Variants in CEP76 observed in about 807,000 individuals in gnomAD.
The protein encoded by CEP76 is centrosomal protein 76, also known as centrosomal protein of 76 kDa.
Under a neutral mutation model 83.3 loss-of-function variants are expected in CEP76, and 55 were observed. The ratio of observed to expected loss-of-function variants is 0.66; its 90% CI spans 0.53 to 0.83. The LOEUF (loss-of-function observed/expected upper bound fraction) is 0.83, where lower values mean the gene tolerates loss of function less well. CEP76 is among the 40% of genes least tolerant of loss of function. CEP76 has a pLI of 0.00. For synonymous variants in CEP76, 270 were observed against 274.5 expected (o/e 0.98, Z 0.16); for missense variants, 694 against 799.5 (o/e 0.87, Z 1.59).
chr18:12,668,638 G>T (rs1285154745), downstream of CEP76, among the ~76,000 whole-genome samples: 4 of 119,710 alleles, frequency 3.3e-5, no homozygotes, highest in Admixed American at 9.4e-5. Context: ...AATAGTGAAT[G>T]TACTTAATCC....
chr18:12,663,285 A>G (rs1368047417), intron 12 of CEP76, among the ~76,000 whole-genome samples: 1 of 152,172 alleles, frequency 6.6e-6, no homozygotes, highest in Non-Finnish European at 1.5e-5. Flanking sequence ...GCCCAAAAAT[A>G]TATATTCTTT....
chr18:12,688,010 A>G (rs566830715), intron 7 of CEP76, among the ~76,000 whole-genome samples: 19 of 151,952 alleles, frequency 1.3e-4, no homozygotes, highest in Non-Finnish European at 2.4e-4. Context: ...TTGGGAGGCC[A>G]AGGTGGGTGG....
chr18:12,691,754 C>T lies in CEP76; in HGVS notation c.805-267G>A, dbSNP rs1402053414. Among the ~76,000 whole-genome samples, 5 of 147,324 alleles carry T rather than the reference C, an allele frequency of 3.4e-5. No individual in the cohort carries two copies. The South Asian group carries it at 6.4e-4, about 19-fold the overall frequency. Reference sequence around the variant, plus strand: ...TGTGGAGGATGCAGTCTTGCTCTGTCGCCCAGGCTGGAGTGCAGTGGCAAG... The same window carrying T: ...TGTGGAGGATGCAGTCTTGCTCTGTTGCCCAGGCTGGAGTGCAGTGGCAAG... On this transcript the variant is annotated intron_variant, in intron 6 of 11. Coordinates refer to ENST00000262127, the MANE Select transcript of CEP76 (RefSeq NM_024899.4).
At chr18:12,675,939 G>C (rs1433486626) in intron 10 of CEP76, among the ~76,000 whole-genome samples, 1 of 152,020 alleles carries the variant, frequency 6.6e-6, no homozygotes, top group Non-Finnish European at 1.5e-5. Flanking sequence ...AAAGTGCTGG[G>C]ATTACAGGCA....
chr18:12,693,170 C>G (rs939615784), intron 6 of CEP76, among the ~76,000 whole-genome samples: 1 of 152,034 alleles, frequency 6.6e-6, no homozygotes, highest in Non-Finnish European at 1.5e-5. Context: ...ATTTATTTAT[C>G]AGATAATAGA....
intron 12 of CEP76, among the ~76,000 whole-genome samples, chr18:12,666,125 T>G (rs2144949298): frequency 6.8e-6 from 1 of 147,104 alleles, no homozygotes; most frequent in Non-Finnish European, 1.5e-5. Flanking sequence ...AAGACCAGAC[T>G]GAGCAACATA....
In CEP76 at chr18:12,702,704, C is replaced by T; in HGVS notation, c.-156G>A. On this transcript the variant is annotated 5_prime_UTR_variant, in exon 1 of 12. Coordinates refer to ENST00000262127, the MANE Select transcript of CEP76 (RefSeq NM_024899.4). ...CCGGGGGACGCAACGCCGCGTCAGG[C>T]CGGGGGCTGACCTGGAAATGAGGCC... 1.2e-6 allele frequency: 1 copy of T among 812,746 alleles called. No individual in the cohort carries two copies. The allele number at this position is 812,746 out of a possible 1,614,324, so 50.3% of individuals were successfully genotyped here.
chr18:12,686,186 T>C (rs1298301982), intron 8 of CEP76, 76 bp downstream of exon 8: 43 of 1,231,774 alleles, frequency 3.5e-5, no homozygotes, highest in Non-Finnish European at 4.9e-5. Context: ...TTCTAAGGCA[T>C]TCTTTTACAA....
Position 12,672,940 on chromosome 18 carries a change from T to C in CEP76, c.*425A>G, listed in dbSNP as rs1395058767. On this transcript the variant is annotated 3_prime_UTR_variant, in exon 12 of 12. Coordinates refer to ENST00000262127, the MANE Select transcript of CEP76 (RefSeq NM_024899.4). ...ATAAATAAATCTGTCATGAGGTTAATTTCTCCTAATCTGTATAAAATAATT... is the reference window on the plus strand; with the variant it reads ...ATAAATAAATCTGTCATGAGGTTAACTTCTCCTAATCTGTATAAAATAATT... The C allele has an allele frequency of 2.0e-5, 20 of 982,804 alleles. No homozygotes were observed. Among genetic ancestry groups the C allele is most frequent in the Non-Finnish European group, 2.3e-5 (19 of 827,490 alleles). The allele number at this position is 982,804 out of a possible 1,614,324, so 60.9% of individuals were successfully genotyped here.
At chr18:12,695,553 T>C (rs1227352299) in intron 5 of CEP76, among the ~76,000 whole-genome samples, 1 of 152,048 alleles carries the variant, frequency 6.6e-6, no homozygotes, top group Non-Finnish European at 1.5e-5. Context: ...TATAAGGAGA[T>C]TATTTTCTTA....
chr18:12,675,371 G>T (rs1471535868), intron 10 of CEP76, among the ~76,000 whole-genome samples: 1 of 151,946 alleles, frequency 6.6e-6, no homozygotes, highest in Non-Finnish European at 1.5e-5. Context: ...ACTCCAGCCT[G>T]GGCAACAGAG....
chr18:12,690,392 T>G (rs2039709180), intron 7 of CEP76, among the ~76,000 whole-genome samples: 1 of 152,116 alleles, frequency 6.6e-6, no homozygotes, highest in African/African-American at 2.4e-5. Flanking sequence ...TGAGGCTGAA[T>G]ATATACAAAA....
intron 5 of CEP76, among the ~76,000 whole-genome samples, 164 bp downstream of exon 5, chr18:12,697,059 G>T (rs1387216087): frequency 6.6e-6 from 1 of 152,128 alleles, no homozygotes; most frequent in Admixed American, 6.6e-5. Context: ...TATTCTTCAA[G>T]ACATTTCTCA....
chr18:12,669,312 A>G (rs976769309), downstream of CEP76, among the ~76,000 whole-genome samples: 10 of 151,794 alleles, frequency 6.6e-5, no homozygotes, highest in Non-Finnish European at 1.2e-4. Flanking sequence ...GGGTTTCTCT[A>G]TGTTGGTCAG....
chr18:12,701,148 C>T (rs778748412), intron 1 of CEP76, 35 bp from the exon 2 acceptor site: 3 of 1,554,222 alleles, frequency 1.9e-6, no homozygotes, highest in East Asian at 4.5e-5. Context: ...TTTATAACAT[C>T]ACAAAGCAGT....
intron 9 of CEP76, chr18:12,679,349 C>CCAA (rs944090536): frequency 6.6e-6 from 1 of 152,276 alleles, no homozygotes; most frequent in Non-Finnish European, 1.5e-5. Flanking sequence ...AGGAGCTTGG[C>CCAA]CCCTCCTCTT....
intron 5 of CEP76, among the ~76,000 whole-genome samples, chr18:12,695,958 GC>G (rs2039942411): frequency 6.6e-6 from 1 of 151,486 alleles, no homozygotes; most frequent in Non-Finnish European, 1.5e-5. Context: ...CCAATTACAG[GC>G]TGAGTAGAAA....
intron 3 of CEP76, among the ~76,000 whole-genome samples, chr18:12,699,440 G>C (rs1436862970): frequency 1.3e-5 from 2 of 152,120 alleles, no homozygotes; most frequent in Non-Finnish European, 2.9e-5. Flanking sequence ...CTCCCAGCTG[G>C]AAAAGGCATC....
At chr18:12,667,726 A>C (rs1391843014), downstream of CEP76, among the ~76,000 whole-genome samples, 1 of 148,386 alleles carries the variant, frequency 6.7e-6, no homozygotes, top group Non-Finnish European at 1.5e-5. Flanking sequence ...GTGCCACTGC[A>C]CTCCAGCCTG....
Sources: allele counts gnomAD v4.1 joint callset (sites outside exome capture counted in the v4.1 genomes callset), GRCh38; gene constraint gnomAD v4.1.1; transcripts MANE v1.5; gene names NCBI Gene and HGNC (gene_info 2026-07-23, HGNC 2026-07-21).